Variants in GLYATL2 observed in about 807,000 individuals in gnomAD.
GLYATL2 encodes glycine-N-acyltransferase like 2, also known as glycine N-acyltransferase-like protein 2.
In GLYATL2, 25 loss-of-function variants were observed where a neutral mutation model predicts 21.4. The ratio of observed to expected loss-of-function variants is 1.17; its 90% CI spans 0.85 to 1.63. The LOEUF is 1.63. Among genes scored for constraint, GLYATL2 ranks in the 40% most tolerant of loss-of-function variants. GLYATL2 has a pLI of 0.00. For missense variants in GLYATL2, 361 were observed against 343.3 expected (o/e 1.05, Z -0.41); for synonymous variants, 114 against 118.2 (o/e 0.96, Z 0.23).
chr11:58,906,069 G>A (rs1018740913), upstream of GLYATL2, among the ~76,000 whole-genome samples: 9 of 152,302 alleles, frequency 5.9e-5, no homozygotes, highest in African/African-American at 2.2e-4. Flanking sequence ...CGGGAGCAGC[G>A]GGCACTAGCA....
intron 1 of GLYATL2, among the ~76,000 whole-genome samples, chr11:58,891,302 T>C (rs1274660789): frequency 2.0e-5 from 3 of 152,214 alleles, no homozygotes; most frequent in Non-Finnish European, 4.4e-5. Flanking sequence ...GCCATGAAGT[T>C]TGTGGCTTAC....
chr11:58,894,727 T>C (rs901612162), intron 1 of GLYATL2, among the ~76,000 whole-genome samples: 11 of 152,218 alleles, frequency 7.2e-5, no homozygotes, highest in Non-Finnish European at 1.3e-4. Flanking sequence ...CAATTCATCT[T>C]AGAAGGCTGT....
chr11:58,851,261 G>C (rs932837291), intron 1 of GLYATL2, among the ~76,000 whole-genome samples: 2 of 152,134 alleles, frequency 1.3e-5, no homozygotes, highest in Admixed American at 1.3e-4. Context: ...TTATTTCTAT[G>C]ATCTCTCATC....
chr11:58,844,227 G>A (rs1341934836), intron 1 of GLYATL2, among the ~76,000 whole-genome samples: 2 of 152,090 alleles, frequency 1.3e-5, no homozygotes, highest in Non-Finnish European at 2.9e-5. Flanking sequence ...AAAAGGATAC[G>A]CACTGGCTTT....
intron 1 of GLYATL2, among the ~76,000 whole-genome samples, chr11:58,856,535 T>G (rs188602472): frequency 2.9e-4 from 44 of 152,160 alleles, no homozygotes; most frequent in Admixed American, 1.8e-3. Context: ...TTTCGCTTTT[T>G]GTTTAAAATG....
chr11:58,862,213 T>G (rs1853944930), intron 1 of GLYATL2, among the ~76,000 whole-genome samples: 1 of 152,186 alleles, frequency 6.6e-6, no homozygotes, highest in Non-Finnish European at 1.5e-5. Context: ...GTTATTTGCT[T>G]CTTTTCTCCT....
At chr11:58,879,337 G>A (rs115674190) in intron 1 of GLYATL2, among the ~76,000 whole-genome samples, 258 of 152,112 alleles carry the variant, frequency 1.7e-3, no homozygotes, top group African/African-American at 6.0e-3. Context: ...CATATTTTGG[G>A]AAGATATATA....
intron 2 of GLYATL2, among the ~76,000 whole-genome samples, chr11:58,838,754 C>T (rs1419379917): frequency 2.6e-5 from 4 of 151,868 alleles, no homozygotes; most frequent in Non-Finnish European, 5.9e-5. Flanking sequence ...TGGCTACAAC[C>T]CTAAAGTTAA....
intron 1 of GLYATL2, among the ~76,000 whole-genome samples, chr11:58,901,199 G>A (rs1406870867): frequency 6.6e-6 from 1 of 152,154 alleles, no homozygotes; most frequent in Admixed American, 6.5e-5. Flanking sequence ...CGGGGCGGTT[G>A]ACCAGCTGAA....
chr11:58,850,592 C>T (rs1853723539), intron 1 of GLYATL2, among the ~76,000 whole-genome samples: 1 of 152,032 alleles, frequency 6.6e-6, no homozygotes, highest in Non-Finnish European at 1.5e-5. Context: ...AGAGTGTGAG[C>T]CCTCTGTCAT....
upstream of GLYATL2, among the ~76,000 whole-genome samples, chr11:58,848,510 TA>T (rs1448776037): frequency 6.6e-6 from 1 of 152,108 alleles, no homozygotes; most frequent in Non-Finnish European, 1.5e-5. Flanking sequence ...CAGATTGAAA[TA>T]GTTAAAAAGA....
chr11:58,884,046 T>G (rs1157798455), intron 1 of GLYATL2, among the ~76,000 whole-genome samples: 1 of 152,090 alleles, frequency 6.6e-6, no homozygotes, highest in East Asian at 1.9e-4. Context: ...CTCAATAAAC[T>G]AGGTATTGAT....
At position 58,836,536 on chromosome 11, in the gene GLYATL2, T is replaced by C. The variant is rs546948415; in HGVS notation, c.476+479A>G. Among the ~76,000 whole-genome samples, 8 of 152,180 alleles carry C rather than the reference T, an allele frequency of 5.3e-5. No individual in the cohort carries two copies. The South Asian group carries it at 1.2e-3, about 24-fold the overall frequency. On this transcript the variant is annotated intron_variant, in intron 5 of 5. Coordinates refer to ENST00000287275, the MANE Select transcript of GLYATL2 (RefSeq NM_145016.4). Reference sequence around the variant, plus strand: ...ACACAACTGTGCAATGATCTATTTATGATGATATTCATTGCAGAAGTTGCA... The same window carrying C: ...ACACAACTGTGCAATGATCTATTTACGATGATATTCATTGCAGAAGTTGCA...
upstream of GLYATL2, among the ~76,000 whole-genome samples, chr11:58,906,487 G>C (rs978301166): frequency 6.6e-6 from 1 of 152,062 alleles, no homozygotes; most frequent in Non-Finnish European, 1.5e-5. Flanking sequence ...GTAGTGAGGG[G>C]GTGCTTTTTA....
intron 1 of GLYATL2, among the ~76,000 whole-genome samples, chr11:58,872,091 T>G (rs550989388): frequency 1.4e-4 from 22 of 152,326 alleles, no homozygotes; most frequent in Non-Finnish European, 1.6e-4. Context: ...CTTTTGAGAA[T>G]TGTCTGTTCA....
In GLYATL2 at chr11:58,894,476, C is replaced by CCAAAAAAAAAAAAAAAAAAA. The variant is rs5792135; in HGVS notation, n.60+9679_60+9680insTTTTTTTTTTTTTTTTTTTG. Among the ~76,000 whole-genome samples the CCAAAAAAAAAAAAAAAAAAA allele has an allele frequency of 4.3e-5, 5 of 116,548 alleles. 2 individuals carry two copies. The highest frequency in any genetic ancestry group is 5.2e-5 in the Non-Finnish European group (3 of 57,930). The allele number at this position is 116,548 out of a possible 152,430, so 76.5% of individuals were successfully genotyped here. ...ATTACTGTGAACATTGCAGCTATAG[C>CCAAAAAAAAAAAAAAAAAAA]AAAAAAAAAAAAAAAAAGCATTTTC... On this transcript the variant is annotated intron_variant and non_coding_transcript_variant, in intron 1 of 4. Coordinates refer to the GLYATL2 transcript ENST00000533636.
chr11:58,850,050 A>G (rs1284645534), intron 1 of GLYATL2, among the ~76,000 whole-genome samples: 12 of 152,252 alleles, frequency 7.9e-5, no homozygotes. Context: ...AAAACCGAAG[A>G]CACATCAAAA....
chr11:58,894,476 C>CAAAAAAAAAAAA (rs1554980634), intron 1 of GLYATL2, among the ~76,000 whole-genome samples: 3 of 116,546 alleles, frequency 2.6e-5, no homozygotes, highest in African/African-American at 6.4e-5. Context: ...GCAGCTATAG[C>CAAAAAAAAAAAA]AAAAAAAAAA....
At chr11:58,885,724 G>T (rs1316043109) in intron 1 of GLYATL2, among the ~76,000 whole-genome samples, 1 of 152,146 alleles carries the variant, frequency 6.6e-6, no homozygotes, top group Non-Finnish European at 1.5e-5. Flanking sequence ...TAAAGCACAG[G>T]ACTCTTCTGG....
Sources: gnomAD v4.1 joint callset for allele counts (sites outside exome capture counted in the v4.1 genomes callset) on GRCh38, gnomAD v4.1.1 for gene constraint, MANE v1.5 for transcripts, NCBI Gene and HGNC (gene_info 2026-07-23, HGNC 2026-07-21) for gene names.